The following CHEK1 variants were observed in gnomAD, a reference collection of about 807,000 sequenced individuals.
CHEK1 encodes serine/threonine-protein kinase Chk1.
Under a neutral mutation model 60.2 loss-of-function variants are expected in CHEK1, and 32 were observed. That is an observed-to-expected ratio of 0.53 (90% CI 0.40 to 0.71). CHEK1 has a LOEUF of 0.71. Among genes scored for constraint, CHEK1 ranks in the 30% least tolerant of loss-of-function variants. The pLI is 0.00. For missense variants in CHEK1, 399 were observed against 564.6 expected (o/e 0.71, Z 2.97); for synonymous variants, 179 against 187.2 (o/e 0.96, Z 0.36).
downstream of CHEK1, chr11:125,680,615 T>C: frequency 2.1e-6 from 2 of 941,842 alleles, no homozygotes; most frequent in South Asian, 1.5e-5. Context: ...CTGCTCTTGA[T>C]TCTGACTCAG....
At chr11:125,658,696 T>C (rs967689741), downstream of CHEK1, among the ~76,000 whole-genome samples, 1 of 142,832 alleles carries the variant, frequency 7.0e-6, no homozygotes, top group African/African-American at 2.6e-5. Context: ...TTTTTTTTTT[T>C]TTTTTTTTTT....
intron 8 of CHEK1, among the ~76,000 whole-genome samples, chr11:125,639,903 A>G (rs1565371288): frequency 6.6e-6 from 1 of 151,798 alleles, no homozygotes; most frequent in Non-Finnish European, 1.5e-5. Flanking sequence ...TTGTCTAGCA[A>G]TTTTTCTCCC....
At chr11:125,652,032 A>G (rs1392688406) in intron 11 of CHEK1, among the ~76,000 whole-genome samples, 1 of 152,154 alleles carries the variant, frequency 6.6e-6, no homozygotes, top group Non-Finnish European at 1.5e-5. Flanking sequence ...TCTTGTATTA[A>G]TTTTCCCAGA....
chr11:125,644,590 A>C lies in CHEK1; in HGVS notation c.1180A>C (p.Lys394Gln). The C allele has an allele frequency of 1.9e-6, 3 of 1,614,184 alleles. No individual in the cohort carries two copies. The highest frequency in any genetic ancestry group is 2.5e-6 in the Non-Finnish European group (3 of 1,180,026). The change falls in exon 11 of 13, where the codon AAA (lysine) becomes CAA (glutamine). Residue 394 changes from lysine (K) to glutamine (Q), a missense_variant. Transcript: ENST00000438015. ...LDADKSYQCL[K>Q]ETCEKLGYQW... ...TGCAGACAAATCTTATCAATGCCTG[A>C]AAGAGACTTGTGAGAAGTTGGGCTA...
chr11:125,666,397 T>C (rs1307376434), intron 13 of CHEK1, among the ~76,000 whole-genome samples: 1 of 152,178 alleles, frequency 6.6e-6, no homozygotes, highest in Non-Finnish European at 1.5e-5. Flanking sequence ...TTTGAATTTC[T>C]TGAGACTTGT....
At chr11:125,635,656 T>C in intron 7 of CHEK1, 123 bp downstream of exon 7, 1 of 581,564 alleles carries the variant, frequency 1.7e-6, no homozygotes, top group East Asian at 3.1e-5. Flanking sequence ...TCGTTGTAGA[T>C]AAAATAGTAA....
chr11:125,652,667 C>T (rs1941780632), intron 11 of CHEK1, among the ~76,000 whole-genome samples: 2 of 151,986 alleles, frequency 1.3e-5, no homozygotes, highest in Non-Finnish European at 2.9e-5. Context: ...TAATATTACT[C>T]CTGTTATGGA....
intron 5 of CHEK1, among the ~76,000 whole-genome samples, chr11:125,631,071 C>T (rs1202177469): frequency 2.6e-5 from 4 of 151,866 alleles, no homozygotes; most frequent in African/African-American, 9.7e-5. Context: ...AGTATGTAAA[C>T]ATGGAGAAAA....
chr11:125,660,653 T>C (rs1023912564), downstream of CHEK1, among the ~76,000 whole-genome samples: 5 of 152,138 alleles, frequency 3.3e-5, no homozygotes, highest in African/African-American at 1.2e-4. Context: ...TTTATAGATA[T>C]AATACTTTTG....
At chr11:125,630,724 CAA>C (rs964356194) in intron 5 of CHEK1, among the ~76,000 whole-genome samples, 1 of 152,080 alleles carries the variant, frequency 6.6e-6, no homozygotes, top group African/African-American at 2.4e-5. Context: ...TTCAGGTACA[CAA>C]AAATTCTTAT....
At chr11:125,669,327 C>A (rs1022415714) in intron 13 of CHEK1, among the ~76,000 whole-genome samples, 2 of 152,104 alleles carry the variant, frequency 1.3e-5, no homozygotes, top group Admixed American at 1.3e-4. Flanking sequence ...CAGTATTTTC[C>A]CTTCATTACT....
At chr11:125,674,377 A>G (rs932021170) in intron 13 of CHEK1, among the ~76,000 whole-genome samples, 1 of 152,364 alleles carries the variant, frequency 6.6e-6, no homozygotes, top group South Asian at 2.1e-4. Context: ...GAACTAAGCT[A>G]TGAAGAATTG....
At chr11:125,673,935 G>A (rs1476097961) in intron 13 of CHEK1, among the ~76,000 whole-genome samples, 3 of 152,158 alleles carry the variant, frequency 2.0e-5, no homozygotes, top group East Asian at 3.8e-4. Flanking sequence ...GAGGCAGGTG[G>A]ATCACTTGAG....
intron 13 of CHEK1, among the ~76,000 whole-genome samples, chr11:125,668,808 C>T (rs1249105500): frequency 1.3e-5 from 2 of 152,164 alleles, no homozygotes; most frequent in Non-Finnish European, 2.9e-5. Context: ...CCTCCCATGT[C>T]AGCCTCCTAA....
chr11:125,678,331 A>C (rs775634046), downstream of CHEK1: 1 of 1,601,396 alleles, frequency 6.2e-7, no homozygotes, highest in Non-Finnish European at 8.5e-7. Context: ...AGAGTTGGTG[A>C]AGCTGACAGA....
chr11:125,654,955 C>A (rs1265445944), intron 12 of CHEK1, among the ~76,000 whole-genome samples: 5 of 152,170 alleles, frequency 3.3e-5, no homozygotes, highest in Non-Finnish European at 4.4e-5. Flanking sequence ...TATACCAACA[C>A]CTGAAACAGA....
intron 8 of CHEK1, among the ~76,000 whole-genome samples, chr11:125,640,066 T>C (rs577713971): frequency 6.6e-6 from 1 of 152,358 alleles, no homozygotes; most frequent in African/African-American, 2.4e-5. Flanking sequence ...CACAATTGAA[T>C]ATTCCTAAAA....
chr11:125,643,844 A>AT lies in CHEK1; in HGVS notation c.871dup (p.Ser291PhefsTer2). ...GTGGTGTGTCAGAGTCTCCCAGTGG[A>AT]TTTTCTAAGCACATTCAATCCAATT... On this transcript the variant is annotated frameshift_variant, in exon 9 of 13. Transcript: ENST00000438015. LOFTEE classifies it high-confidence loss of function. 6.2e-7 allele frequency: 1 copy of AT among 1,614,104 alleles called. No individual in the cohort carries two copies. Among genetic ancestry groups the AT allele is most frequent in the Non-Finnish European group, 8.5e-7 (1 of 1,180,008 alleles).
At chr11:125,660,716 C>T (rs1382205782), downstream of CHEK1, among the ~76,000 whole-genome samples, 1 of 150,112 alleles carries the variant, frequency 6.7e-6, no homozygotes, top group Non-Finnish European at 1.5e-5. Flanking sequence ...TTTCTTTTGG[C>T]TAATATTTAT....
Sources: allele counts gnomAD v4.1 joint callset (sites outside exome capture counted in the v4.1 genomes callset), GRCh38; gene constraint gnomAD v4.1.1; transcripts MANE v1.5; gene names NCBI Gene and HGNC (gene_info 2026-07-23, HGNC 2026-07-21).